The following NAV2 variants were observed in gnomAD, a reference collection of about 807,000 sequenced individuals.
NAV2 encodes helicase, APC down-regulated 1.
A neutral mutation model predicts 223.2 loss-of-function variants in NAV2; 54 were observed. The observed-to-expected ratio is 0.24, with a 90% confidence interval of 0.19 to 0.30. The LOEUF (loss-of-function observed/expected upper bound fraction) is 0.30. Ranked by LOEUF, NAV2 falls within the 10% of genes least tolerant of loss-of-function variation. The pLI is 1.00. For missense variants in NAV2, 2,806 were observed against 3,147.5 expected (o/e 0.89, Z 2.60); for synonymous variants, 1,279 against 1,239.3 (o/e 1.03, Z -0.67).
intron 36 of NAV2, among the ~76,000 whole-genome samples, chr11:20,108,384 A>G (rs1260380546): frequency 1.3e-5 from 2 of 152,110 alleles, no homozygotes; most frequent in Admixed American, 6.5e-5. Flanking sequence ...CCCTCTTAGG[A>G]ACTTCGGGGC....
At chr11:19,897,080 G>A (rs1019600528) in intron 6 of NAV2, among the ~76,000 whole-genome samples, 3 of 152,038 alleles carry the variant, frequency 2.0e-5, no homozygotes, top group Admixed American at 1.3e-4. Flanking sequence ...CATGTCCTTT[G>A]TAGGGACATG....
chr11:19,459,133 G>A (rs1009323539), intron 1 of NAV2, among the ~76,000 whole-genome samples: 20 of 152,338 alleles, frequency 1.3e-4, no homozygotes, highest in African/African-American at 4.6e-4. Context: ...ATTTCCAGTT[G>A]TAAGTCATAG....
the NAV2 span, among the ~76,000 whole-genome samples, chr11:19,345,685 C>T: frequency 6.6e-6 from 1 of 152,248 alleles, no homozygotes; most frequent in Admixed American, 6.5e-5. The surrounding 1 kb of genome is among the most constrained non-coding windows in gnomAD (Gnocchi z 5.2). Flanking sequence ...CGGGGCTGGG[C>T]GCCCGGCGCA....
chr11:20,003,719 C>T (rs2052779221), intron 11 of NAV2, among the ~76,000 whole-genome samples: 1 of 152,208 alleles, frequency 6.6e-6, no homozygotes, highest in African/African-American at 2.4e-5. Flanking sequence ...CCTACCTGCA[C>T]ACCTCCCACT....
intron 1 of NAV2, among the ~76,000 whole-genome samples, chr11:19,392,383 A>ATTT (rs5790071): frequency 0.013 from 1,979 of 149,784 alleles, 31 homozygotes; most frequent in African/African-American, 0.034. Flanking sequence ...CAGCAGGGTG[A>ATTT]TTTTTTTTTT....
chr11:19,483,955 C>T (rs77578513), intron 1 of NAV2, among the ~76,000 whole-genome samples: 106 of 152,276 alleles, frequency 7.0e-4, no homozygotes, highest in Middle Eastern at 6.8e-3. Flanking sequence ...TTTAACTCAA[C>T]GGGCCTTATC....
In NAV2 at chr11:19,410,307, A is replaced by G. The variant is rs188419505; in HGVS notation, c.75+59280A>G. Reference sequence around the variant, plus strand: ...TTTCATTCTGACTCTGCTGGTTTCCATCTAAGCCCTGCCTGATTATATATT... The same window carrying G: ...TTTCATTCTGACTCTGCTGGTTTCCGTCTAAGCCCTGCCTGATTATATATT... On this transcript the variant is annotated intron_variant, in intron 1 of 37. Coordinates refer to the NAV2 transcript ENST00000360655. Among the ~76,000 whole-genome samples the G allele has an allele frequency of 7.8e-3, 1,182 of 152,216 alleles. 9 individuals are homozygous for G. Among genetic ancestry groups the G allele is most frequent in the Non-Finnish European group, 9.9e-3 (671 of 68,014 alleles).
chr11:20,097,997 T>C (rs751851050), intron 31 of NAV2, among the ~76,000 whole-genome samples: 14 of 152,218 alleles, frequency 9.2e-5, no homozygotes, highest in Non-Finnish European at 1.8e-4. Context: ...GACTCTGAGA[T>C]GATGGAATCT....
At chr11:19,707,527 G>T (rs932864469) in intron 1 of NAV2, among the ~76,000 whole-genome samples, 1 of 152,050 alleles carries the variant, frequency 6.6e-6, no homozygotes, top group Non-Finnish European at 1.5e-5. Context: ...GGTCTTCAGG[G>T]GCAAAAACAC....
intron 1 of NAV2, among the ~76,000 whole-genome samples, chr11:19,697,176 A>G (rs1182667825): frequency 6.6e-6 from 1 of 152,234 alleles, no homozygotes; most frequent in East Asian, 1.9e-4. Context: ...TAACGTAAGA[A>G]TGGAAAACCA....
chr11:19,599,706 T>G (rs2046303386), intron 1 of NAV2, among the ~76,000 whole-genome samples: 1 of 152,222 alleles, frequency 6.6e-6, no homozygotes, highest in Non-Finnish European at 1.5e-5. Context: ...GCATCAGGGC[T>G]CTTGCCAGAA....
chr11:19,912,999 G>T (rs1591206478), intron 6 of NAV2, among the ~76,000 whole-genome samples: 1 of 152,248 alleles, frequency 6.6e-6, no homozygotes, highest in South Asian at 2.1e-4. Context: ...TCCTGCTCTG[G>T]CAGTTTGGCT....
chr11:19,713,384 G>A lies in NAV2; in HGVS notation c.-312G>A. The A allele has an allele frequency of 5.0e-6, 6 of 1,190,742 alleles. No individual in the cohort carries two copies. The highest frequency in any genetic ancestry group is 6.2e-6 in the Non-Finnish European group (6 of 962,656). The allele number at this position is 1,190,742 out of a possible 1,614,324, so 73.8% of individuals were successfully genotyped here. A position where few individuals can be genotyped will look rare whatever the true frequency, so the allele number is the denominator to read the frequency against. On this transcript the variant is annotated 5_prime_UTR_variant, in exon 1 of 38. Transcript: ENST00000349880. The surrounding 1 kb of genome is among the most constrained non-coding windows in gnomAD (Gnocchi z 7.2). ...GTTTCCCAGGAGGAAATTTGCAAGA[G>A]GCGGCAGCCCCTGAGCGCCCAGAGC... is the stretch of plus-strand genomic sequence containing the variant.
At chr11:19,949,839 C>G (rs1408827700) in intron 10 of NAV2, among the ~76,000 whole-genome samples, 1 of 152,210 alleles carries the variant, frequency 6.6e-6, no homozygotes, top group Non-Finnish European at 1.5e-5. Flanking sequence ...ATAATAGGAG[C>G]TCATAAATAT....
intron 1 of NAV2, among the ~76,000 whole-genome samples, chr11:19,753,960 G>A (rs572499446): frequency 1.1e-4 from 16 of 152,194 alleles, no homozygotes; most frequent in African/African-American, 3.4e-4. Context: ...ATTCATGCCC[G>A]CATGACTATA....
At chr11:20,013,908 C>T (rs2053785359) in intron 11 of NAV2, among the ~76,000 whole-genome samples, 1 of 152,200 alleles carries the variant, frequency 6.6e-6, no homozygotes, top group Non-Finnish European at 1.5e-5. Context: ...AATCTGAGAG[C>T]CACAGTCAGG....
At chr11:19,568,520 C>T (rs917697824) in intron 1 of NAV2, among the ~76,000 whole-genome samples, 2 of 152,162 alleles carry the variant, frequency 1.3e-5, no homozygotes, top group African/African-American at 4.8e-5. Context: ...TTTACAGTGG[C>T]AAAAGCCAAC....
chr11:19,483,973 C>A (rs895079120), intron 1 of NAV2, among the ~76,000 whole-genome samples: 1 of 152,116 alleles, frequency 6.6e-6, no homozygotes, highest in African/African-American at 2.4e-5. Flanking sequence ...ATCCATAGGG[C>A]CCCACCCCTC....
intron 1 of NAV2, among the ~76,000 whole-genome samples, chr11:19,618,856 G>T (rs2046894872): frequency 6.6e-6 from 1 of 151,442 alleles, no homozygotes; most frequent in Non-Finnish European, 1.5e-5. Context: ...CCAGAGAAGA[G>T]AGACCCACTT....
Sources: gnomAD v4.1 joint callset for allele counts (sites outside exome capture counted in the v4.1 genomes callset) on GRCh38, gnomAD v4.1.1 for gene constraint, Gnocchi (gnomAD v3.1) non-coding constraint, MANE v1.5 for transcripts, NCBI Gene and HGNC (gene_info 2026-07-23, HGNC 2026-07-21) for gene names.